GRK5: variants seen among roughly 807,000 people sequenced by gnomAD.
The protein encoded by GRK5 is G protein-coupled receptor kinase 5, also known as g protein-coupled receptor kinase GRK5.
GRK5 carries 40 observed loss-of-function variants against 78.4 expected under a neutral mutation model. The observed-to-expected ratio is 0.51, with a 90% CI of 0.40 to 0.66. The LOEUF is 0.66. Among genes scored for constraint, GRK5 ranks in the 30% least tolerant of loss-of-function variants. The pLI, the probability that GRK5 is intolerant of heterozygous loss-of-function variation, is 0.00. For missense variants in GRK5, 598 were observed against 759.9 expected (o/e 0.79, Z 2.50); for synonymous variants, 289 against 296.8 (o/e 0.97, Z 0.27).
intron 2 of GRK5, among the ~76,000 whole-genome samples, chr10:119,349,594 C>T (rs1851157465): frequency 6.6e-6 from 1 of 152,132 alleles, no homozygotes; most frequent in African/African-American, 2.4e-5. Flanking sequence ...CTGGGGCCTT[C>T]GGGTGGGGAA....
intron 2 of GRK5, among the ~76,000 whole-genome samples, chr10:119,373,779 T>C (rs1488679395): frequency 6.6e-6 from 1 of 152,212 alleles, no homozygotes; most frequent in Non-Finnish European, 1.5e-5. Flanking sequence ...ATGGTGCGGA[T>C]AGACTTGCTC....
At position 119,267,138 on chromosome 10, in the gene GRK5, G is replaced by T. The variant is rs1241895350; in HGVS notation, c.52+59169G>T. On this transcript the variant is annotated intron_variant, in intron 1 of 15. Coordinates refer to ENST00000392870, the MANE Select transcript of GRK5 (RefSeq NM_005308.3). The surrounding 1 kb of genome is among the most constrained non-coding windows in gnomAD (Gnocchi z 4.1). ...GGCGCCTGTAATCTCAGCTACTCAG[G>T]ATGCTGAGGAAGGAGAATTGCTTGA... Among the ~76,000 whole-genome samples the T allele has an allele frequency of 1.3e-5, 2 of 151,982 alleles. No individual in the cohort carries two copies. Among genetic ancestry groups the T allele is most frequent in the Non-Finnish European group, 2.9e-5 (2 of 68,018 alleles).
chr10:119,269,898 T>TG (rs1462839221), intron 1 of GRK5, among the ~76,000 whole-genome samples: 1 of 151,380 alleles, frequency 6.6e-6, no homozygotes, highest in Non-Finnish European at 1.5e-5. Flanking sequence ...AGAGCCACCT[T>TG]GGAGGGGGCC....
intron 3 of GRK5, among the ~76,000 whole-genome samples, chr10:119,383,634 C>T (rs544465001): frequency 4.2e-4 from 64 of 152,324 alleles, no homozygotes; most frequent in Middle Eastern, 3.4e-3. Flanking sequence ...TGGTTTTAAA[C>T]ATGTTGCGTG....
chr10:119,319,389 G>A (rs1850546800), intron 1 of GRK5, among the ~76,000 whole-genome samples: 1 of 152,222 alleles, frequency 6.6e-6, no homozygotes, highest in Non-Finnish European at 1.5e-5. Flanking sequence ...CTTCCGATCC[G>A]AGGCCACCTT....
intron 14 of GRK5, 129 bp from the exon 15 acceptor site, chr10:119,453,016 C>G (rs1853321816): frequency 2.3e-6 from 2 of 858,990 alleles, no homozygotes; most frequent in Non-Finnish European, 3.9e-6. Flanking sequence ...CTCGCCCAGC[C>G]CCTGAGACCT....
At chr10:119,266,801 G>A (rs970433596) in intron 1 of GRK5, among the ~76,000 whole-genome samples, 1 of 151,308 alleles carries the variant, frequency 6.6e-6, no homozygotes, top group Non-Finnish European at 1.5e-5. Flanking sequence ...TGGAGACAGG[G>A]TCTTGCTCTG....
intron 12 of GRK5, among the ~76,000 whole-genome samples, chr10:119,444,215 A>G (rs1351681527): frequency 2.0e-5 from 3 of 152,112 alleles, no homozygotes; most frequent in African/African-American, 7.2e-5. Flanking sequence ...CAGTCTTTGA[A>G]CATCTTATAA....
intron 3 of GRK5, among the ~76,000 whole-genome samples, chr10:119,386,276 G>A (rs563820650): frequency 1.3e-5 from 2 of 152,184 alleles, no homozygotes; most frequent in Non-Finnish European, 2.9e-5. Context: ...ATGGAGAAGC[G>A]TGAGGACAAA....
At position 119,289,490 on chromosome 10, in the gene GRK5, A is replaced by G. The variant is rs532789459; in HGVS notation, c.53-37026A>G. ...TGGCTCTCTTCCCACTGTGGGGGTC[A>G]GAAGATGGTGGCTGCCTATGTGCAT... is the stretch of plus-strand genomic sequence containing the variant. On this transcript the variant is annotated intron_variant, in intron 1 of 15. Transcript: ENST00000392870. Among the ~76,000 whole-genome samples, 942 of 152,330 alleles carry G rather than the reference A, an allele frequency of 6.2e-3. 17 individuals carry two copies. The highest frequency in any genetic ancestry group is 0.022 in the African/African-American group (903 of 41,574).
At chr10:119,259,604 G>T (rs1389226145) in intron 1 of GRK5, among the ~76,000 whole-genome samples, 1 of 152,196 alleles carries the variant, frequency 6.6e-6, no homozygotes, top group East Asian at 1.9e-4. Flanking sequence ...CAAGTGGCCT[G>T]CCCTGGGCCA....
chr10:119,286,724 G>T (rs1000286421), intron 1 of GRK5, among the ~76,000 whole-genome samples: 18 of 152,268 alleles, frequency 1.2e-4, no homozygotes, highest in Admixed American at 1.1e-3. Flanking sequence ...CCCCTTGGAA[G>T]CGGTCACTTT....
chr10:119,280,271 G>A (rs1473261836), intron 1 of GRK5, among the ~76,000 whole-genome samples: 1 of 152,214 alleles, frequency 6.6e-6, no homozygotes, highest in African/African-American at 2.4e-5. Context: ...AGTGTCCTGA[G>A]GCCATGGTGA....
At chr10:119,280,293 T>C (rs969169781) in intron 1 of GRK5, among the ~76,000 whole-genome samples, 1 of 152,250 alleles carries the variant, frequency 6.6e-6, no homozygotes. Flanking sequence ...AAAAAGTTAG[T>C]GCCGTAACAC....
chr10:119,254,775 C>T (rs1349280600), intron 1 of GRK5, among the ~76,000 whole-genome samples: 3 of 152,058 alleles, frequency 2.0e-5, no homozygotes, highest in Non-Finnish European at 4.4e-5. Flanking sequence ...GAAAAACAGG[C>T]CGGGCACGGT....
intron 3 of GRK5, among the ~76,000 whole-genome samples, chr10:119,393,883 T>C (rs1851927674): frequency 6.6e-6 from 1 of 151,868 alleles, no homozygotes; most frequent in Admixed American, 6.6e-5. Flanking sequence ...TGTGTGGGTG[T>C]CTGTATGTGT....
At chr10:119,317,275 C>G (rs1262773368) in intron 1 of GRK5, among the ~76,000 whole-genome samples, 1 of 152,078 alleles carries the variant, frequency 6.6e-6, no homozygotes. Flanking sequence ...AGGGATGACT[C>G]TCTTTTCTCT....
intron 2 of GRK5, among the ~76,000 whole-genome samples, chr10:119,373,612 T>C (rs1315228248): frequency 6.6e-6 from 1 of 152,152 alleles, no homozygotes; most frequent in African/African-American, 2.4e-5. Context: ...AGGTATGTCT[T>C]TATTAGCAGC....
chr10:119,271,533 G>A lies in GRK5; in HGVS notation c.53-54983G>A, dbSNP rs143257538. The stretch of plus-strand genomic sequence containing the variant: ...CAAAGAGGAATTTGGAGCCCTGGAC[G>A]GGGTGGCTGCACTGAGTCACCAGCT... On this transcript the variant is annotated intron_variant, in intron 1 of 15. Coordinates refer to ENST00000392870, the MANE Select transcript of GRK5 (RefSeq NM_005308.3). The surrounding 1 kb of genome is among the most constrained non-coding windows in gnomAD (Gnocchi z 4.1). Among the ~76,000 whole-genome samples the A allele has an allele frequency of 2.6e-5, 4 of 152,312 alleles. No homozygotes were observed. Among genetic ancestry groups the A allele is most frequent in the Admixed American group, 6.5e-5 (1 of 15,306 alleles).
Sources: gnomAD v4.1 joint callset for allele counts (sites outside exome capture counted in the v4.1 genomes callset) on GRCh38, gnomAD v4.1.1 for gene constraint, Gnocchi (gnomAD v3.1) non-coding constraint, MANE v1.5 for transcripts, NCBI Gene and HGNC (gene_info 2026-07-23, HGNC 2026-07-21) for gene names.